Variants in ADAMTSL1 observed in about 807,000 individuals in gnomAD.
ADAMTSL1 encodes ADAMTS-like protein 1.
A neutral mutation model predicts 201.8 loss-of-function variants in ADAMTSL1; 126 were observed. The observed-to-expected ratio is 0.62, with a 90% CI of 0.54 to 0.72. ADAMTSL1 has a LOEUF of 0.72. Among genes scored for constraint, ADAMTSL1 ranks in the 30% least tolerant of loss-of-function variants. The pLI, the probability that ADAMTSL1 is intolerant of heterozygous loss-of-function variation, is 0.00. For missense variants in ADAMTSL1, 2,679 were observed against 2,277.8 expected (o/e 1.18, Z -3.59); for synonymous variants, 1,121 against 903.4 (o/e 1.24, Z -4.32).
At chr9:18,102,062 G>T (rs759375347) in intron 1 of ADAMTSL1, among the ~76,000 whole-genome samples, 16 of 152,156 alleles carry the variant, frequency 1.1e-4, no homozygotes, top group Non-Finnish European at 2.1e-4. Flanking sequence ...ACTTCCTTTT[G>T]AGAAAGGCGT....
At chr9:18,450,846 A>ATTCCACTAGG (rs1820377393) in intron 2 of ADAMTSL1, among the ~76,000 whole-genome samples, 1 of 152,246 alleles carries the variant, frequency 6.6e-6, no homozygotes, top group Non-Finnish European at 1.5e-5. Context: ...TGGATTCAGA[A>ATTCCACTAGG]TATCATTACA....
intron 4 of ADAMTSL1, 67 bp downstream of exon 4, chr9:18,574,333 C>A (rs767323997): frequency 5.3e-6 from 7 of 1,321,260 alleles, no homozygotes; most frequent in Non-Finnish European, 7.7e-6. Context: ...AAATGGTTTA[C>A]ATAGTCTCAC....
chr9:18,186,744 A>G (rs1295712801), intron 2 of ADAMTSL1, among the ~76,000 whole-genome samples: 1 of 152,086 alleles, frequency 6.6e-6, no homozygotes, highest in East Asian at 1.9e-4. Flanking sequence ...TTTTCCTTGC[A>G]TCCAGTCACT....
intron 1 of ADAMTSL1, among the ~76,000 whole-genome samples, chr9:17,919,721 A>G (rs912352547): frequency 2.6e-5 from 4 of 152,058 alleles, no homozygotes; most frequent in African/African-American, 9.7e-5. Context: ...TTGTTCATCT[A>G]CCTATGGGTA....
At chr9:18,308,457 G>T (rs1215614093) in intron 2 of ADAMTSL1, among the ~76,000 whole-genome samples, 1 of 151,886 alleles carries the variant, frequency 6.6e-6, no homozygotes, top group Non-Finnish European at 1.5e-5. Flanking sequence ...ACTACTAAAG[G>T]AGAAAAGAGA....
At chr9:18,616,600 C>T (rs1290285261) in intron 4 of ADAMTSL1, among the ~76,000 whole-genome samples, 2 of 152,062 alleles carry the variant, frequency 1.3e-5, no homozygotes, top group Non-Finnish European at 2.9e-5. Context: ...CTAAAAGATC[C>T]AGTAGATTCT....
At chr9:18,461,883 C>A (rs1026702372) in intron 2 of ADAMTSL1, among the ~76,000 whole-genome samples, 2 of 152,098 alleles carry the variant, frequency 1.3e-5, no homozygotes, top group African/African-American at 2.4e-5. Flanking sequence ...CCCTCCACTC[C>A]CCCATTCCCT....
chr9:18,364,233 A>G (rs1836661431), intron 2 of ADAMTSL1, among the ~76,000 whole-genome samples: 1 of 152,136 alleles, frequency 6.6e-6, no homozygotes, highest in Admixed American at 6.5e-5. Context: ...CACTCAACCA[A>G]ATAGCAGTAC....
chr9:18,701,970 T>C (rs543364735), intron 13 of ADAMTSL1, among the ~76,000 whole-genome samples: 5 of 152,324 alleles, frequency 3.3e-5, no homozygotes, highest in South Asian at 2.1e-4. Flanking sequence ...AGAGGTTTAA[T>C]TGGACTTACA....
chr9:18,416,043 T>A (rs2133337343), intron 2 of ADAMTSL1, among the ~76,000 whole-genome samples: 1 of 152,018 alleles, frequency 6.6e-6, no homozygotes, highest in Non-Finnish European at 1.5e-5. Flanking sequence ...CTACAAGAAA[T>A]CTTCAAGGAA....
intron 1 of ADAMTSL1, among the ~76,000 whole-genome samples, chr9:17,977,139 T>C (rs1818487425): frequency 6.6e-6 from 1 of 152,162 alleles, no homozygotes; most frequent in South Asian, 2.1e-4. Flanking sequence ...TTGGTTTGTG[T>C]ATGTTAAAAT....
chr9:17,967,555 A>G (rs1334456496), intron 1 of ADAMTSL1, among the ~76,000 whole-genome samples: 5 of 152,124 alleles, frequency 3.3e-5, no homozygotes, highest in African/African-American at 1.2e-4. Context: ...TACACCAACC[A>G]TATAGATGAC....
In ADAMTSL1 at chr9:18,225,433, T is replaced by A. The variant is rs141192857; in HGVS notation, c.207+61452T>A. On this transcript the variant is annotated intron_variant, in intron 2 of 29. Transcript: ENST00000680146. ...CCTAACAAATTTCTCCATAGTGGAT[T>A]TTAATAATGTGAGTAAGGATTTTTA... Among the ~76,000 whole-genome samples the A allele has an allele frequency of 5.8e-3, 890 of 152,330 alleles. 7 individuals are homozygous for A. The highest frequency in any genetic ancestry group is 0.02 in the African/African-American group (815 of 41,584).
At chr9:17,997,326 C>T (rs1051427616) in intron 1 of ADAMTSL1, among the ~76,000 whole-genome samples, 8 of 152,022 alleles carry the variant, frequency 5.3e-5, no homozygotes, top group Admixed American at 1.3e-4. Context: ...TACAATTTTA[C>T]AGTGCCCAGT....
chr9:18,647,580 T>A (rs1255841143), intron 7 of ADAMTSL1, among the ~76,000 whole-genome samples: 1 of 152,174 alleles, frequency 6.6e-6, no homozygotes, highest in Non-Finnish European at 1.5e-5. Context: ...GAGTCTGGTA[T>A]GTTGTGTCTT....
intron 2 of ADAMTSL1, among the ~76,000 whole-genome samples, chr9:18,318,393 T>C (rs1035870564): frequency 2.0e-5 from 3 of 152,192 alleles, no homozygotes; most frequent in Admixed American, 6.5e-5. Context: ...TTGTTAGAAA[T>C]GTAAATTCCT....
At chr9:18,823,149 C>T (rs1429383591) in intron 21 of ADAMTSL1, among the ~76,000 whole-genome samples, 1 of 152,160 alleles carries the variant, frequency 6.6e-6, no homozygotes, top group African/African-American at 2.4e-5. Flanking sequence ...AGTAACAATA[C>T]CTACATCGGC....
intron 3 of ADAMTSL1, among the ~76,000 whole-genome samples, chr9:18,541,926 A>G (rs770714289): frequency 2.4e-4 from 37 of 152,214 alleles, no homozygotes; most frequent in Non-Finnish European, 4.7e-4. Context: ...TATCTTGTTA[A>G]AAGTTTAAAA....
intron 1 of ADAMTSL1, among the ~76,000 whole-genome samples, chr9:17,934,671 G>T (rs993929220): frequency 1.3e-5 from 2 of 151,898 alleles, no homozygotes; most frequent in East Asian, 3.9e-4. Context: ...ATCCCTCATA[G>T]CTTCTTATTT....
Sources: gnomAD v4.1 joint callset for allele counts (sites outside exome capture counted in the v4.1 genomes callset) on GRCh38, gnomAD v4.1.1 for gene constraint, MANE v1.5 for transcripts, NCBI Gene and HGNC (gene_info 2026-07-23, HGNC 2026-07-21) for gene names.